GRM2: variants seen among roughly 807,000 people sequenced by gnomAD.
The protein encoded by GRM2 is glutamate metabotropic receptor 2.
Under a neutral mutation model 60.4 loss-of-function variants are expected in GRM2, and 35 were observed. That is an observed-to-expected ratio of 0.58 (90% confidence interval 0.44 to 0.77). GRM2 has a LOEUF of 0.77. Among genes scored for constraint, GRM2 ranks in the 30% least tolerant of loss-of-function variants. The probability of loss-of-function intolerance (pLI) is 0.00; values close to 1 mark genes in which losing one functional copy is unlikely to be tolerated. For synonymous variants in GRM2, 437 were observed against 484.1 expected (o/e 0.90, Z 1.28); for missense variants, 925 against 1,199.5 (o/e 0.77, Z 3.38).
rs925239167 is a variant in GRM2 at position 51,713,827 on chromosome 3, G to A, written c.1288+517G>A. ...GCTGGAGTGCAGTGGTTATTCACAG[G>A]CACAATACAGCCTCCAACTCCTGGG... On this transcript the variant is annotated intron_variant, in intron 3 of 5. Coordinates refer to ENST00000395052, the MANE Select transcript of GRM2 (RefSeq NM_000839.5). This position sits in a 1 kb window ranked among gnomAD's most constrained non-coding sequence, Gnocchi z 4.8. 1.6e-5 allele frequency: 5 copies of A among 310,108 alleles called. No homozygotes were observed. Among genetic ancestry groups the A allele is most frequent in the African/African-American group, 1.1e-4 (5 of 45,330 alleles). The allele number at this position is 310,108 out of a possible 1,614,324, so 19.2% of individuals were successfully genotyped here.
rs1401547328 is a variant in GRM2, at chr3:51,709,336, G to A, written c.353G>A (p.Arg118His). 6 of 1,600,312 alleles carry A rather than the reference G, an allele frequency of 3.7e-6. No homozygotes were observed. Among genetic ancestry groups the A allele is most frequent in the Middle Eastern group, 1.7e-4 (1 of 6,034 alleles). The change falls in exon 2 of 6, where the codon CGC becomes CAC. Residue 118 changes from arginine (R) to histidine (H), a missense_variant. By Grantham distance (29) the Arg-to-His change is conservative (BLOSUM62 0). Coordinates refer to ENST00000395052, the MANE Select transcript of GRM2 (RefSeq NM_000839.5). ...CTCAGCCGTGGTGCTGATGGCTCAC[G>A]CCACATCTGCCCCGACGGCTCTTAT... Reference protein sequence around the residue: ...ASLSRGADGSRHICPDGSYAT... With the variant: ...ASLSRGADGSHHICPDGSYAT...
chr3:51,711,043 A>G (rs996939194), intron 2 of GRM2, among the ~76,000 whole-genome samples: 3 of 152,214 alleles, frequency 2.0e-5, no homozygotes, highest in African/African-American at 7.2e-5. Context: ...GTTGTTCAGG[A>G]GAAATGGAGC....
At position 51,718,013 on chromosome 3, in the gene GRM2, C is replaced by A. The variant is rs765432763; in HGVS notation, c.2546-26C>A. 1 of 1,610,594 alleles carries A rather than the reference C, an allele frequency of 6.2e-7. No individual in the cohort carries two copies. Among genetic ancestry groups the A allele is most frequent in the Non-Finnish European group, 8.5e-7 (1 of 1,176,820 alleles). Reference sequence around the variant, plus strand: ...CTCCATGGAGGACCTCGGGATTGGCCCCAACCTCTGGCTTCCTTTTCTTAG... The same window carrying A: ...CTCCATGGAGGACCTCGGGATTGGCACCAACCTCTGGCTTCCTTTTCTTAG... On this transcript the variant is annotated intron_variant, in intron 5 of 5. Coordinates refer to ENST00000395052, the MANE Select transcript of GRM2 (RefSeq NM_000839.5). The surrounding 1 kb of genome is among the most constrained non-coding windows in gnomAD (Gnocchi z 4.2).
Position 51,709,123 on chromosome 3 carries a change from C to T in GRM2, c.140C>T (p.Ala47Val), listed in dbSNP as rs886572875. Residue 47 changes from alanine (A) to valine (V), a missense_variant, in exon 2 of 6, where the codon GCA becomes GTA. Coordinates refer to ENST00000395052, the MANE Select transcript of GRM2 (RefSeq NM_000839.5). ...CCAGTGCACCAGAAGGGCGGCCCAG[C>T]AGAGGACTGTGGTCCTGTCAATGAG... ...LFPVHQKGGP[A>V]EDCGPVNEHR... The T allele has an allele frequency of 5.6e-6, 9 of 1,612,220 alleles. No individual in the cohort carries two copies. In the African/African-American group the frequency reaches 1.2e-4, roughly 22 times the overall value.
At chr3:51,711,028 G>T (rs1703696134) in intron 2 of GRM2, among the ~76,000 whole-genome samples, 1 of 152,276 alleles carries the variant, frequency 6.6e-6, no homozygotes, top group African/African-American at 2.4e-5. Context: ...CCCTGTCCTA[G>T]AACAGTTGTT....
rs200432452 is a variant in GRM2, at chr3:51,713,059, G to A, written c.1037G>A (p.Arg346His). ...PWNNSRNPWFREFWEQRFRCS... is the reference protein window; with the variant it reads ...PWNNSRNPWFHEFWEQRFRCS... ...AACAACAGCCGGAACCCCTGGTTCCGTGAATTCTGGGAGCAGAGGTTCCGC... is the reference window on the plus strand; with the variant it reads ...AACAACAGCCGGAACCCCTGGTTCCATGAATTCTGGGAGCAGAGGTTCCGC... The change falls in exon 3 of 6, where the codon CGT (arginine) becomes CAT (histidine). Residue 346 changes from arginine (R) to histidine (H), a missense_variant. Physicochemically the swap from Arg to His is conservative, Grantham distance 29. Transcript: ENST00000395052. This position sits in a 1 kb window ranked among gnomAD's most constrained non-coding sequence, Gnocchi z 4.8. The A allele has an allele frequency of 5.5e-5, 88 of 1,613,108 alleles. No individual in the cohort carries two copies. The highest frequency in any genetic ancestry group is 1.8e-4 in the Admixed American group (11 of 60,012).
rs376437410 is a variant in GRM2 at position 51,715,856 on chromosome 3, G to A, written c.2083G>A (p.Val695Ile). 1.8e-4 allele frequency: 287 copies of A among 1,613,206 alleles called. No individual in the cohort carries two copies. Among genetic ancestry groups the A allele is most frequent in the Non-Finnish European group, 2.3e-4 (267 of 1,179,948 alleles). Residue 695 changes from valine (V) to isoleucine (I), a missense_variant, in exon 4 of 6, where the codon GTC becomes ATC. Transcript: ENST00000395052. This position sits in a 1 kb window ranked among gnomAD's most constrained non-coding sequence, Gnocchi z 9.0. The stretch of plus-strand genomic sequence containing the variant: ...TATCTCGGGCCAGCTGCTCATCGTG[G>A]TCGCCTGGCTGGTGGTGGAGGCACC... ...ALISGQLLIV[V>I]AWLVVEAPGT...
rs1309456487 is a variant in GRM2, at chr3:51,715,789, C to T, written c.2016C>T (p.Arg672=). The T allele has an allele frequency of 1.2e-6, 2 of 1,613,636 alleles. No individual in the cohort carries two copies. Among genetic ancestry groups the T allele is most frequent in the South Asian group, 1.1e-5 (1 of 91,078 alleles). Reference sequence around the variant, plus strand: ...CCCGGGAGGGTGCCCAGCGGCCACGCTTCATCAGTCCTGCCTCACAGGTGG... The same window carrying T: ...CCCGGGAGGGTGCCCAGCGGCCACGTTTCATCAGTCCTGCCTCACAGGTGG... The part of the protein sequence containing the change: ...GGAREGAQRP[R]FISPASQVAI... The change falls in exon 4 of 6, where the codon CGC becomes CGT. Residue 672 remains arginine, a synonymous_variant. Transcript: ENST00000395052. The surrounding 1 kb of genome is among the most constrained non-coding windows in gnomAD (Gnocchi z 9.0).
In GRM2 at chr3:51,718,248, C is replaced by T; in HGVS notation, c.*136C>T. On this transcript the variant is annotated 3_prime_UTR_variant, in exon 6 of 6. Transcript: ENST00000395052. The surrounding 1 kb of genome is among the most constrained non-coding windows in gnomAD (Gnocchi z 4.2). ...TATGTCTGCCCCCAAAGTCACTTAC[C>T]CACCTCCTTACCCCAGCTCTTCAGA... 1 of 769,280 alleles carries T rather than the reference C, an allele frequency of 1.3e-6. No individual in the cohort carries two copies. The highest frequency in any genetic ancestry group is 2.3e-6 in the Non-Finnish European group (1 of 431,436). The allele number at this position is 769,280 out of a possible 1,614,324, so 47.7% of individuals were successfully genotyped here.
At position 51,715,313 on chromosome 3, in the gene GRM2, C is replaced by A; in HGVS notation, c.1540C>A (p.Pro514Thr). 1 of 1,613,130 alleles carries A rather than the reference C, an allele frequency of 6.2e-7. No individual in the cohort carries two copies. The highest frequency in any genetic ancestry group is 8.5e-7 in the Non-Finnish European group (1 of 1,179,552). ...CCAGAATGAGGTGAAGAGTGTGCAG[C>A]CGGGCGAAGTCTGCTGCTGGCTCTG... ...CLQNEVKSVQPGEVCCWLCIP... is the reference protein window; with the variant it reads ...CLQNEVKSVQTGEVCCWLCIP... Residue 514 changes from proline (P) to threonine (T), a missense_variant, in exon 4 of 6, where the codon CCG becomes ACG. Physicochemically the swap from Pro to Thr is conservative, Grantham distance 38. Coordinates refer to ENST00000395052, the MANE Select transcript of GRM2 (RefSeq NM_000839.5). This position sits in a 1 kb window ranked among gnomAD's most constrained non-coding sequence, Gnocchi z 9.0.
At position 51,715,895 on chromosome 3, in the gene GRM2, G is replaced by T. The variant is rs1174545644; in HGVS notation, c.2122G>T (p.Glu708Ter). The T allele has an allele frequency of 6.2e-7, 1 of 1,613,512 alleles. No individual in the cohort carries two copies. ...GGTGGAGGCACCGGGCACAGGCAAG[G>T]AGACAGCCCCCGAACGGCGGGAGGT... is the stretch of plus-strand genomic sequence containing the variant. ...LVVEAPGTGK[E>*]TAPERREVVT... The change falls in exon 4 of 6, where the codon GAG becomes TAG. Residue 708 changes from glutamate to a stop codon, truncating the protein, a stop_gained. Coordinates refer to ENST00000395052, the MANE Select transcript of GRM2 (RefSeq NM_000839.5). LOFTEE classifies it high-confidence loss of function. The surrounding 1 kb of genome is among the most constrained non-coding windows in gnomAD (Gnocchi z 9.0).
chr3:51,715,523 T>G lies in GRM2; in HGVS notation c.1750T>G (p.Phe584Val). The change falls in exon 4 of 6, where the codon TTT (phenylalanine) becomes GTT (valine). Residue 584 changes from phenylalanine to valine, a missense_variant. By Grantham distance (50) the Phe-to-Val change is conservative. Coordinates refer to ENST00000395052, the MANE Select transcript of GRM2 (RefSeq NM_000839.5). The surrounding 1 kb of genome is among the most constrained non-coding windows in gnomAD (Gnocchi z 9.0). ...CTGCCTCGGTGCCCTGGCCACCCTC[T>G]TTGTGCTGGGTGTCTTTGTGCGGCA... is the stretch of plus-strand genomic sequence containing the variant. Reference protein sequence around the residue: ...IACLGALATLFVLGVFVRHNA... With the variant: ...IACLGALATLVVLGVFVRHNA... 1 of 1,613,524 alleles carries G rather than the reference T, an allele frequency of 6.2e-7. No individual in the cohort carries two copies.
At position 51,715,859 on chromosome 3, in the gene GRM2, G is replaced by T; in HGVS notation, c.2086G>T (p.Ala696Ser). 1 of 1,613,226 alleles carries T rather than the reference G, an allele frequency of 6.2e-7. No homozygotes were observed. ...LISGQLLIVV[A>S]WLVVEAPGTG... ...CTCGGGCCAGCTGCTCATCGTGGTC[G>T]CCTGGCTGGTGGTGGAGGCACCGGG... The change falls in exon 4 of 6, where the codon GCC becomes TCC. Residue 696 changes from alanine (A) to serine (S), a missense_variant. Ala to Ser is a moderately conservative substitution (Grantham distance 99, BLOSUM62 1). Transcript: ENST00000395052. The surrounding 1 kb of genome is among the most constrained non-coding windows in gnomAD (Gnocchi z 9.0).
intron 3 of GRM2, 63 bp from the exon 4 acceptor site, chr3:51,714,999 G>T: frequency 9.8e-7 from 1 of 1,025,386 alleles, no homozygotes. Context: ...TAGGGTGAAT[G>T]TTGAGGTCAC....
In GRM2 at chr3:51,715,087, C is replaced by T. The variant is rs1263793256; in HGVS notation, c.1314C>T (p.His438=). 6.4e-7 allele frequency: 1 copy of T among 1,564,554 alleles called. No individual in the cohort carries two copies. Among genetic ancestry groups the T allele is most frequent in the East Asian group, 2.3e-5 (1 of 44,268 alleles). ...CCCCCTTTCGCCCAGCTGACACCCA[C>T]AATGAGGTCCGCTTTGACCGCTTTG... is the stretch of plus-strand genomic sequence containing the variant. ...FDAPFRPADT[H]NEVRFDRFGD... is the part of the protein sequence containing the mutation. The change falls in exon 4 of 6, where the codon CAC becomes CAT. Residue 438 remains histidine, a synonymous_variant. Coordinates refer to ENST00000395052, the MANE Select transcript of GRM2 (RefSeq NM_000839.5). This position sits in a 1 kb window ranked among gnomAD's most constrained non-coding sequence, Gnocchi z 9.0.
Position 51,717,611 on chromosome 3 carries a change from CTTG to C in GRM2, c.2365-23_2365-21del. 6.2e-7 allele frequency: 1 copy of C among 1,601,336 alleles called. No homozygotes were observed. Among genetic ancestry groups the C allele is most frequent in the Non-Finnish European group, 8.5e-7 (1 of 1,171,850 alleles). On this transcript the variant is annotated intron_variant, in intron 4 of 5. Transcript: ENST00000395052. The surrounding 1 kb of genome is among the most constrained non-coding windows in gnomAD (Gnocchi z 6.0). Reference sequence around the variant, plus strand: ...GGTCAGGCCCAGGTCTTGACCTGTGCTTGTTCACCCACTCACCCACCGCAGGTA... The same window carrying C: ...GGTCAGGCCCAGGTCTTGACCTGTGCTTCACCCACTCACCCACCGCAGGTA...
In GRM2 at chr3:51,715,739, C is replaced by T. The variant is rs375087136; in HGVS notation, c.1966C>T (p.Arg656Cys). Residue 656 changes from arginine (R) to cysteine (C), a missense_variant, in exon 4 of 6, where the codon CGC becomes TGC. By Grantham distance (180) the Arg-to-Cys change is radical. Transcript: ENST00000395052. The surrounding 1 kb of genome is among the most constrained non-coding windows in gnomAD (Gnocchi z 9.0). ...CTCAGCCCTGCTCACCAAGACCAACCGCATTGCACGCATCTTCGGTGGGGC... is the reference window on the plus strand; with the variant it reads ...CTCAGCCCTGCTCACCAAGACCAACTGCATTGCACGCATCTTCGGTGGGGC... ...CYSALLTKTN[R>C]IARIFGGARE... 5 of 1,614,034 alleles carry T rather than the reference C, an allele frequency of 3.1e-6. No individual in the cohort carries two copies. Among genetic ancestry groups the T allele is most frequent in the East Asian group, 2.2e-5 (1 of 44,880 alleles).
In GRM2 at chr3:51,709,253, C is replaced by A. The variant is rs1703606843; in HGVS notation, c.270C>A (p.Asp90Glu). 6.2e-7 allele frequency: 1 copy of A among 1,604,676 alleles called. No individual in the cohort carries two copies. Among genetic ancestry groups the A allele is most frequent in the Non-Finnish European group, 8.5e-7 (1 of 1,173,520 alleles). Residue 90 changes from aspartate (D) to glutamate (E), a missense_variant, in exon 2 of 6, where the codon GAC becomes GAA. Asp to Glu is a conservative substitution (Grantham distance 45). Coordinates refer to ENST00000395052, the MANE Select transcript of GRM2 (RefSeq NM_000839.5). ...TGCGCCTGGGTGCACACATCCTCGACAGTTGCTCCAAGGACACACATGCGC... is the reference window on the plus strand; with the variant it reads ...TGCGCCTGGGTGCACACATCCTCGAAAGTTGCTCCAAGGACACACATGCGC... ...PGVRLGAHIL[D>E]SCSKDTHALE...
Position 51,716,999 on chromosome 3 carries a change from G to T in GRM2, c.2365-638G>T, listed in dbSNP as rs1703921899. Among the ~76,000 whole-genome samples, 2 of 152,122 alleles carry T rather than the reference G, an allele frequency of 1.3e-5. No homozygotes were observed. Among genetic ancestry groups the T allele is most frequent in the Admixed American group, 1.3e-4 (2 of 15,286 alleles). The stretch of plus-strand genomic sequence containing the variant: ...TGGGCCACCTGCTTGGGTGGTAGAG[G>T]CCAGGGCTGGGGAGGGATTCTGCTC... On this transcript the variant is annotated intron_variant, in intron 4 of 5. Coordinates refer to ENST00000395052, the MANE Select transcript of GRM2 (RefSeq NM_000839.5). The surrounding 1 kb of genome is among the most constrained non-coding windows in gnomAD (Gnocchi z 4.0).
Sources: allele counts gnomAD v4.1 joint callset (sites outside exome capture counted in the v4.1 genomes callset), GRCh38; gene constraint gnomAD v4.1.1; non-coding constraint Gnocchi (gnomAD v3.1); transcripts MANE v1.5; gene names NCBI Gene and HGNC (gene_info 2026-07-23, HGNC 2026-07-21).